Variants in GPR35 observed in about 807,000 individuals in gnomAD.
GPR35 encodes the protein G protein-coupled receptor 35.
For missense variants in GPR35, 372 were observed against 422.5 expected, an observed-to-expected ratio of 0.88 and a Z score of 1.05; for synonymous variants, 207 against 198.4, an observed-to-expected ratio of 1.04 and a Z score of -0.36.
At chr2:240,624,225 A>ATGGGAGTTGAGATCGGG (rs2043342499), upstream of GPR35, among the ~76,000 whole-genome samples, 1 of 67,666 alleles carries the variant, frequency 1.5e-5, no homozygotes. Flanking sequence ...AGAGTGAGGG[A>ATGGGAGTTGAGATCGGG]TGGATGAAAT....
intron 4 of GPR35, among the ~76,000 whole-genome samples, chr2:240,618,642 A>T (rs541676972): frequency 3.3e-5 from 5 of 152,334 alleles, no homozygotes; most frequent in Non-Finnish European, 7.3e-5. Flanking sequence ...CTAGAAACCA[A>T]GATATGGTCA....
At chr2:240,614,779 C>T (rs1440225265) in intron 2 of GPR35, among the ~76,000 whole-genome samples, 2 of 152,174 alleles carry the variant, frequency 1.3e-5, no homozygotes, top group Admixed American at 6.5e-5. Flanking sequence ...CCAGAGGCCC[C>T]TCCAATGATG....
chr2:240,612,576 T>C (rs2043193915), intron 2 of GPR35, among the ~76,000 whole-genome samples: 1 of 152,142 alleles, frequency 6.6e-6, no homozygotes, highest in Non-Finnish European at 1.5e-5. Flanking sequence ...TGAGAGGTTC[T>C]GGTGGGCTGA....
At chr2:240,623,983 G>A (rs928830018), upstream of GPR35, among the ~76,000 whole-genome samples, 52 of 151,418 alleles carry the variant, frequency 3.4e-4, no homozygotes, top group Middle Eastern at 6.4e-3. Context: ...GAGGGGGCAC[G>A]GTGGAGTTCA....
intron 2 of GPR35, among the ~76,000 whole-genome samples, chr2:240,615,077 A>G (rs1355366588): frequency 6.6e-6 from 1 of 151,522 alleles, no homozygotes; most frequent in African/African-American, 2.4e-5. Context: ...GCATGTGTGT[A>G]TGTTTACATG....
Position 240,631,625 on chromosome 2 carries a change from G to A in GPR35, c.*743G>A, listed in dbSNP as rs2043450491. Among the ~76,000 whole-genome samples, 1 of 152,150 alleles carries A rather than the reference G, an allele frequency of 6.6e-6. No homozygotes were observed. The stretch of plus-strand genomic sequence containing the variant: ...TGGCCAGGGTCTGTCAAGGAACCCA[G>A]CCCTCTTCTCCTTCCTTCAGGGAAA... On this transcript the variant is annotated 3_prime_UTR_variant, in exon 2 of 2. Coordinates refer to ENST00000407714, the MANE Select transcript of GPR35 (RefSeq NM_005301.5).
rs1248356942 is a variant in GPR35, at chr2:240,625,532, T to TCA, written c.-35_-34dup. ...ACTGTGCAGGCTTTGGCAGCGGGGGTCACACACTCCACCCGGGAGGCCAAA... is the reference window on the plus strand; with the variant it reads ...ACTGTGCAGGCTTTGGCAGCGGGGGTCACACACACTCCACCCGGGAGGCCAAA... On this transcript the variant is annotated 5_prime_UTR_variant, in exon 1 of 2. Transcript: ENST00000407714. 1.0e-6 allele frequency: 1 copy of TCA among 985,524 alleles called. No individual in the cohort carries two copies. The highest frequency in any genetic ancestry group is 1.1e-4 in the East Asian group (1 of 8,786). The allele number at this position is 985,524 out of a possible 1,614,324, so 61.0% of individuals were successfully genotyped here.
intron 1 of GPR35, 55 bp from the exon 2 acceptor site, chr2:240,629,894 G>T: frequency 4.1e-6 from 6 of 1,478,914 alleles, no homozygotes; most frequent in Non-Finnish European, 4.6e-6. Context: ...TGGGGGCAGT[G>T]CCTTGCTCCC....
chr2:240,611,196 G>A (rs565741749), intron 2 of GPR35, among the ~76,000 whole-genome samples: 1 of 151,780 alleles, frequency 6.6e-6, no homozygotes, highest in East Asian at 1.9e-4. Context: ...TCGAACTCCT[G>A]ACCCCAAATG....
chr2:240,623,504 A>G (rs2043332257), upstream of GPR35, among the ~76,000 whole-genome samples: 1 of 147,858 alleles, frequency 6.8e-6, no homozygotes, highest in Non-Finnish European at 1.5e-5. Context: ...TGAGGGTGCA[A>G]ACAGGTCGTG....
At chr2:240,619,378 T>C (rs1444653284) in intron 5 of GPR35, among the ~76,000 whole-genome samples, 2 of 152,242 alleles carry the variant, frequency 1.3e-5, no homozygotes, top group Non-Finnish European at 2.9e-5. Flanking sequence ...CCCATCTCTA[T>C]CAGCAGGCGT....
At chr2:240,621,474 T>C (rs559015759), upstream of GPR35, among the ~76,000 whole-genome samples, 248 of 152,210 alleles carry the variant, frequency 1.6e-3, 3 homozygotes, top group African/African-American at 5.7e-3. Context: ...AGGCTGGTCT[T>C]GAACTCCTGA....
intron 5 of GPR35, among the ~76,000 whole-genome samples, chr2:240,620,473 C>T (rs1030676906): frequency 2.6e-5 from 4 of 152,060 alleles, no homozygotes; most frequent in African/African-American, 7.2e-5. Flanking sequence ...GGCGTGGGCA[C>T]GGGGGAGGCA....
In GPR35 at chr2:240,631,293, G is replaced by A; in HGVS notation, c.*411G>A. 4.4e-6 allele frequency: 1 copy of A among 225,278 alleles called. No homozygotes were observed. The highest frequency in any genetic ancestry group is 9.6e-6 in the Non-Finnish European group (1 of 104,408). 14.0% of individuals were successfully genotyped at this position (225,278 alleles called of 1,614,324 possible). Reference sequence around the variant, plus strand: ...CTCTGTGTTTCGCACTCGTGTGGTGGGAGGCAGGGAGGGAGCGCGTGGCTC... The same window carrying A: ...CTCTGTGTTTCGCACTCGTGTGGTGAGAGGCAGGGAGGGAGCGCGTGGCTC... On this transcript the variant is annotated 3_prime_UTR_variant, in exon 2 of 2. Coordinates refer to ENST00000407714, the MANE Select transcript of GPR35 (RefSeq NM_005301.5).
chr2:240,611,059 A>G (rs1295241278), intron 2 of GPR35, among the ~76,000 whole-genome samples: 1 of 152,120 alleles, frequency 6.6e-6, no homozygotes, highest in Non-Finnish European at 1.5e-5. Context: ...CAGCCTCCTG[A>G]GTAGCTGGGA....
chr2:240,624,161 G>C (rs1575467168), upstream of GPR35, among the ~76,000 whole-genome samples: 1 of 152,124 alleles, frequency 6.6e-6, no homozygotes, highest in Admixed American at 6.5e-5. Flanking sequence ...GGCCGGGCTT[G>C]GACTGATCAG....
chr2:240,623,417 G>GTGAGGGTGCAAACAGGTCA (rs2043327867), upstream of GPR35, among the ~76,000 whole-genome samples: 3 of 64,012 alleles, frequency 4.7e-5, no homozygotes, highest in Non-Finnish European at 7.9e-5. Flanking sequence ...CAAACAGATC[G>GTGAGGGTGCAAACAGGTCA]TGAGGGCGCA....
At chr2:240,619,191 A>T (rs1007221562) in intron 5 of GPR35, among the ~76,000 whole-genome samples, 3 of 151,986 alleles carry the variant, frequency 2.0e-5, no homozygotes, top group Non-Finnish European at 2.9e-5. Context: ...TTGTGGTCAG[A>T]CTCTTGGATT....
upstream of GPR35, among the ~76,000 whole-genome samples, chr2:240,624,949 C>T (rs2043352266): frequency 6.6e-6 from 1 of 152,174 alleles, no homozygotes; most frequent in African/African-American, 2.4e-5. Flanking sequence ...GTGTGCCTCT[C>T]ACCTGTGTGC....
Sources: allele counts gnomAD v4.1 joint callset (sites outside exome capture counted in the v4.1 genomes callset), GRCh38; gene constraint gnomAD v4.1.1; transcripts MANE v1.5; gene names NCBI Gene and HGNC (gene_info 2026-07-23, HGNC 2026-07-21).